Variants in VPS54 observed in about 807,000 individuals in gnomAD.
VPS54 encodes the protein VPS54 subunit of GARP complex.
A neutral mutation model predicts 121.5 loss-of-function variants in VPS54; 45 were observed. The ratio of observed to expected loss-of-function variants is 0.37; its 90% CI spans 0.29 to 0.47. The LOEUF is 0.47. Among genes scored for constraint, VPS54 ranks in the 20% least tolerant of loss-of-function variants. The pLI is 0.99. For synonymous variants in VPS54, 371 were observed against 385.8 expected (o/e 0.96, Z 0.45); for missense variants, 1,090 against 1,131.4 (o/e 0.96, Z 0.52).
At position 63,893,351 on chromosome 2, in the gene VPS54, C is replaced by T. The variant is rs776983545; in HGVS notation, c.*79G>A. On this transcript the variant is annotated 3_prime_UTR_variant, in exon 23 of 23. Transcript: ENST00000272322. ...CACTTTGGGTTTCAGGTTCAATTCT[C>T]GAATCACAGGCATCCAGATTTTCTT... is the stretch of plus-strand genomic sequence containing the variant. 27 of 1,263,566 alleles carry T rather than the reference C, an allele frequency of 2.1e-5. No individual in the cohort carries two copies. Among genetic ancestry groups the T allele is most frequent in the Middle Eastern group, 1.9e-4 (1 of 5,374 alleles). 78.3% of individuals were successfully genotyped at this position (1,263,566 alleles called of 1,614,324 possible).
At chr2:63,988,706 G>C (rs1036989712) in intron 1 of VPS54, among the ~76,000 whole-genome samples, 2 of 152,060 alleles carry the variant, frequency 1.3e-5, no homozygotes, top group African/African-American at 4.8e-5. Flanking sequence ...CGTAAAATGA[G>C]GATGTATGTC....
chr2:63,906,164 T>C (rs981683417), intron 20 of VPS54, among the ~76,000 whole-genome samples: 1 of 152,142 alleles, frequency 6.6e-6, no homozygotes, highest in Non-Finnish European at 1.5e-5. Flanking sequence ...AACGTTGTGC[T>C]GAAAGTCCTA....
intron 1 of VPS54, among the ~76,000 whole-genome samples, chr2:64,002,202 C>T (rs73935042): frequency 0.019 from 2,915 of 152,292 alleles, 95 homozygotes; most frequent in African/African-American, 0.067. Context: ...ACCACATAGT[C>T]GCTGCATGGG....
At chr2:64,009,810 TCAA>T (rs774316190) in intron 1 of VPS54, among the ~76,000 whole-genome samples, 5 of 151,860 alleles carry the variant, frequency 3.3e-5, no homozygotes, top group East Asian at 1.9e-4. Flanking sequence ...AGAGGCCATT[TCAA>T]CAACAACAAC....
At chr2:64,014,187 G>A (rs1024288322) in intron 1 of VPS54, among the ~76,000 whole-genome samples, 68 of 152,154 alleles carry the variant, frequency 4.5e-4, no homozygotes, top group African/African-American at 1.6e-3. Flanking sequence ...ATTACCTTCA[G>A]ATAATAGAAA....
chr2:63,973,573 T>A (rs1676383860), intron 3 of VPS54, among the ~76,000 whole-genome samples: 1 of 152,212 alleles, frequency 6.6e-6, no homozygotes, highest in Admixed American at 6.5e-5. Flanking sequence ...TTTTTGTTTT[T>A]TGAGACTGGG....
At chr2:64,006,279 C>T (rs1208271704) in intron 1 of VPS54, among the ~76,000 whole-genome samples, 1 of 152,214 alleles carries the variant, frequency 6.6e-6, no homozygotes, top group Non-Finnish European at 1.5e-5. Flanking sequence ...AAAAGGTTCA[C>T]ATACATTTCA....
At chr2:63,980,329 TTC>T (rs1396711025) in intron 3 of VPS54, among the ~76,000 whole-genome samples, 1 of 152,302 alleles carries the variant, frequency 6.6e-6, no homozygotes, top group South Asian at 2.1e-4. Context: ...AAATGCTTTT[TTC>T]TTTCTATTCA....
At chr2:63,984,282 T>C (rs1214500371) in intron 1 of VPS54, among the ~76,000 whole-genome samples, 1 of 152,186 alleles carries the variant, frequency 6.6e-6, no homozygotes, top group Non-Finnish European at 1.5e-5. Flanking sequence ...CCAACATATA[T>C]TAAAGATTAA....
In VPS54 at chr2:63,919,870, T is replaced by C; in HGVS notation, c.2164+13A>G. 1 of 1,581,014 alleles carries C rather than the reference T, an allele frequency of 6.3e-7. No homozygotes were observed. Among genetic ancestry groups the C allele is most frequent in the Non-Finnish European group, 8.6e-7 (1 of 1,156,988 alleles). On this transcript the variant is annotated intron_variant, in intron 15 of 22. Coordinates refer to ENST00000272322, the MANE Select transcript of VPS54 (RefSeq NM_016516.3). ...ATAAAATTGAAAGAGAATGTGTGAA[T>C]GAATACACATACCTCCTGATTTTTT...
At chr2:63,989,440 A>T (rs956196935) in intron 1 of VPS54, among the ~76,000 whole-genome samples, 1 of 152,080 alleles carries the variant, frequency 6.6e-6, no homozygotes, top group African/African-American at 2.4e-5. Flanking sequence ...CCCAGCTCTA[A>T]AATTTCTCTC....
chr2:63,917,946 A>G (rs142432024), intron 15 of VPS54, among the ~76,000 whole-genome samples: 142 of 152,164 alleles, frequency 9.3e-4, no homozygotes, highest in African/African-American at 3.1e-3. Flanking sequence ...ATGAGATAAC[A>G]CATGTAAAAT....
At chr2:63,924,795 A>C (rs547184831) in intron 12 of VPS54, among the ~76,000 whole-genome samples, 1 of 152,360 alleles carries the variant, frequency 6.6e-6, no homozygotes, top group South Asian at 2.1e-4. Context: ...GATTTATGTC[A>C]AGAGTGACAT....
intron 3 of VPS54, among the ~76,000 whole-genome samples, chr2:63,978,007 A>C (rs1676627401): frequency 6.6e-6 from 1 of 152,148 alleles, no homozygotes; most frequent in African/African-American, 2.4e-5. Context: ...TTGTATTCTC[A>C]TTATTCAAGC....
chr2:63,938,515 A>G (rs1171661042), intron 11 of VPS54, among the ~76,000 whole-genome samples: 1 of 151,838 alleles, frequency 6.6e-6, no homozygotes, highest in Non-Finnish European at 1.5e-5. Flanking sequence ...CCCAAGCTGG[A>G]GTGCAGTGGC....
chr2:63,957,286 C>T lies in VPS54; in HGVS notation c.1010+4772G>A, dbSNP rs542925089. ...TGAAACCCTGTCTCTACTAAAAATA[C>T]AAAAAATTAGCCAGGTGTGGTGGCG... On this transcript the variant is annotated intron_variant, in intron 7 of 22. Coordinates refer to ENST00000272322, the MANE Select transcript of VPS54 (RefSeq NM_016516.3). Among the ~76,000 whole-genome samples the T allele has an allele frequency of 2.7e-3, 405 of 151,670 alleles. 2 individuals are homozygous for T. Among genetic ancestry groups the T allele is most frequent in the East Asian group, 8.8e-3 (45 of 5,142 alleles).
intron 7 of VPS54, among the ~76,000 whole-genome samples, chr2:63,950,586 T>G (rs1339555816): frequency 6.6e-6 from 1 of 152,184 alleles, no homozygotes; most frequent in Non-Finnish European, 1.5e-5. Context: ...AGGTCTTTTG[T>G]TGTATAAGCA....
intron 11 of VPS54, among the ~76,000 whole-genome samples, chr2:63,937,175 A>T (rs931579965): frequency 4.6e-5 from 7 of 152,156 alleles, no homozygotes; most frequent in African/African-American, 9.6e-5. Flanking sequence ...AAAAACTTCT[A>T]TGCATCAAAA....
At chr2:63,934,524 T>A (rs1318348406) in intron 11 of VPS54, among the ~76,000 whole-genome samples, 1 of 152,154 alleles carries the variant, frequency 6.6e-6, no homozygotes. Context: ...CTCTGCTGTT[T>A]CCTCTATCCG....
Sources: allele counts gnomAD v4.1 joint callset (sites outside exome capture counted in the v4.1 genomes callset), GRCh38; gene constraint gnomAD v4.1.1; transcripts MANE v1.5; gene names NCBI Gene and HGNC (gene_info 2026-07-23, HGNC 2026-07-21).